TMEM97: variants seen among roughly 807,000 people sequenced by gnomAD.
The protein encoded by TMEM97 is transmembrane protein 97.
In TMEM97, 13 loss-of-function variants were observed where a neutral mutation model predicts 18.3. The observed-to-expected ratio is 0.71, with a 90% CI of 0.46 to 1.13. TMEM97 has a LOEUF of 1.13. Ranked by LOEUF, TMEM97 falls within the 50% of genes most tolerant of loss-of-function variation. The pLI, the probability that TMEM97 is intolerant of heterozygous loss-of-function variation, is 0.00. For missense variants in TMEM97, 205 were observed against 210.5 expected, an observed-to-expected ratio of 0.97 and a Z score of 0.16; for synonymous variants, 76 against 85.3, an observed-to-expected ratio of 0.89 and a Z score of 0.60.
Position 28,321,800 on chromosome 17 carries a change from CTGTGTGTGTGTGTGTG to C in TMEM97, c.126+2463_126+2478del, listed in dbSNP as rs538038865. Among the ~76,000 whole-genome samples, 136 of 132,296 alleles carry C rather than the reference CTGTGTGTGTGTGTGTG, an allele frequency of 1.0e-3. 1 individual carries two copies. The East Asian group carries it at 0.021, about 21-fold the overall frequency. 86.8% of individuals were successfully genotyped at this position (132,296 alleles called of 152,430 possible). A position where few individuals can be genotyped will look rare whatever the true frequency, so the allele number is the denominator to read the frequency against. On this transcript the variant is annotated intron_variant, in intron 1 of 2. Transcript: ENST00000226230. Reference sequence around the variant, plus strand: ...AGTGCAGGCAGCATCTGGCCAGAACCTGTGTGTGTGTGTGTGTGTGTGTGTGTGTGTGTGTGTGTGT... The same window carrying C: ...AGTGCAGGCAGCATCTGGCCAGAACCTGTGTGTGTGTGTGTGTGTGTGTGT...
rs1361092868 is a variant in TMEM97, at chr17:28,325,873, C to G, written c.271+226C>G. The G allele has an allele frequency of 6.9e-6, 4 of 578,786 alleles. No homozygotes were observed. In the African/African-American group the frequency reaches 7.5e-5, roughly 11 times the overall value. The allele number at this position is 578,786 out of a possible 1,614,324, so 35.9% of individuals were successfully genotyped here. A position where few individuals can be genotyped will look rare whatever the true frequency, so the allele number is the denominator to read the frequency against. On this transcript the variant is annotated intron_variant, in intron 2 of 2. Coordinates refer to ENST00000226230, the MANE Select transcript of TMEM97 (RefSeq NM_014573.3). The stretch of plus-strand genomic sequence containing the variant: ...ACGGCTGCCTCAGTCGTCTGGAAAT[C>G]CCTTGCATACACATGAAGCCTGAGA...
At chr17:28,320,446 T>C (rs1906099914) in intron 1 of TMEM97, among the ~76,000 whole-genome samples, 1 of 152,236 alleles carries the variant, frequency 6.6e-6, no homozygotes, top group Non-Finnish European at 1.5e-5. Context: ...GGAAGACCTC[T>C]GACCTCCTTT....
chr17:28,320,247 C>G (rs145397499), intron 1 of TMEM97, among the ~76,000 whole-genome samples: 6 of 152,240 alleles, frequency 3.9e-5, no homozygotes, highest in African/African-American at 1.4e-4. Flanking sequence ...AGGAGGGGTT[C>G]TTTACCTGAG....
Position 28,327,066 on chromosome 17 carries a change from A to G in TMEM97, c.*273A>G, listed in dbSNP as rs1337043659. On this transcript the variant is annotated 3_prime_UTR_variant, in exon 3 of 3. Coordinates refer to ENST00000226230, the MANE Select transcript of TMEM97 (RefSeq NM_014573.3). Reference sequence around the variant, plus strand: ...CTGCAACCTCCGCCTCCTGGGCTCAAGCCATCTTCCTTAGCCTCCCAAGTA... The same window carrying G: ...CTGCAACCTCCGCCTCCTGGGCTCAGGCCATCTTCCTTAGCCTCCCAAGTA... The G allele has an allele frequency of 7.2e-6, 3 of 417,590 alleles. No homozygotes were observed. Among genetic ancestry groups the G allele is most frequent in the African/African-American group, 2.0e-5 (1 of 50,218 alleles). 25.9% of individuals were successfully genotyped at this position (417,590 alleles called of 1,614,324 possible). A position where few individuals can be genotyped will look rare whatever the true frequency, so the allele number is the denominator to read the frequency against.
Position 28,326,791 on chromosome 17 carries a change from T to C in TMEM97, c.529T>C (p.Ter177ArgextTer63), listed in dbSNP as rs1906368997. 1 of 1,607,864 alleles carries C rather than the reference T, an allele frequency of 6.2e-7. No individual in the cohort carries two copies. The highest frequency in any genetic ancestry group is 8.5e-7 in the Non-Finnish European group (1 of 1,178,868). Residue 177 changes from the stop codon to arginine, a stop_lost, in exon 3 of 3, where the codon TGA becomes CGA. Transcript: ENST00000226230. ...YKYEEKRKKK[*>R] ...GTATGAAGAGAAAAGAAAAAAAAAA[T>C]GAAGGAAACAACCACTGGCCCAGGG...
In TMEM97 at chr17:28,325,712, A is replaced by G; in HGVS notation, c.271+65A>G. On this transcript the variant is annotated intron_variant, in intron 2 of 2. Coordinates refer to ENST00000226230, the MANE Select transcript of TMEM97 (RefSeq NM_014573.3). ...TCAGGTCCCAGAAATCTTTTGGGAA[A>G]GTATCTCCAAAGGGAAGGGGATGGT... 3 of 1,601,354 alleles carry G rather than the reference A, an allele frequency of 1.9e-6. No individual in the cohort carries two copies. In the South Asian group the frequency reaches 3.3e-5, roughly 18 times the overall value.
intron 1 of TMEM97, 23 bp from the exon 2 acceptor site, chr17:28,325,480 A>T: frequency 9.9e-6 from 16 of 1,612,072 alleles, no homozygotes; most frequent in Non-Finnish European, 1.3e-5. Context: ...GCTGTAATTC[A>T]TCATGATCGT....
intron 1 of TMEM97, chr17:28,324,630 C>A (rs1361047629): frequency 6.6e-6 from 1 of 152,152 alleles, no homozygotes; most frequent in Non-Finnish European, 1.5e-5. Context: ...GCTTTGGGCT[C>A]CTATAAAAGC....
intron 2 of TMEM97, among the ~76,000 whole-genome samples, 168 bp from the exon 3 acceptor site, chr17:28,326,366 C>G (rs1045213872): frequency 6.6e-6 from 1 of 152,172 alleles, no homozygotes; most frequent in African/African-American, 2.4e-5. Flanking sequence ...TGAGCTGTCA[C>G]GTAAGTCTGC....
At chr17:28,325,257 CAAA>C (rs1906286512) in intron 1 of TMEM97, among the ~76,000 whole-genome samples, 1 of 152,026 alleles carries the variant, frequency 6.6e-6, no homozygotes, top group South Asian at 2.1e-4. Context: ...CTGGGTAACA[CAAA>C]GAAGGGGCTG....
rs1597776317 is a variant in TMEM97 at position 28,319,551 on chromosome 17, C to T, written c.126+186C>T. 3 of 648,362 alleles carry T rather than the reference C, an allele frequency of 4.6e-6. No individual in the cohort carries two copies. The East Asian group carries it at 1.0e-4, about 22-fold the overall frequency. The allele number at this position is 648,362 out of a possible 1,614,324, so 40.2% of individuals were successfully genotyped here. ...TCCTCGGGCTTTGTCTCTATCCCAG[C>T]CCCTTCTCCCAAGCGGCGGGGGCGA... is the stretch of plus-strand genomic sequence containing the variant. On this transcript the variant is annotated intron_variant, in intron 1 of 2. Transcript: ENST00000226230.
Position 28,328,462 on chromosome 17 carries a change from C to G in TMEM97, c.*1669C>G. The G allele has an allele frequency of 1.7e-6, 1 of 581,716 alleles. No homozygotes were observed. The highest frequency in any genetic ancestry group is 3.0e-6 in the Non-Finnish European group (1 of 327,988). 36.0% of individuals were successfully genotyped at this position (581,716 alleles called of 1,614,324 possible). A position where few individuals can be genotyped will look rare whatever the true frequency, so the allele number is the denominator to read the frequency against. On this transcript the variant is annotated 3_prime_UTR_variant, in exon 3 of 3. Transcript: ENST00000226230. ...ACGTACACTGCAGGGCCACCAGCAG[C>G]AGCTGTGCACTGATGTTAAAACTGG...
chr17:28,323,567 T>C (rs1555575134), intron 1 of TMEM97, among the ~76,000 whole-genome samples: 1 of 151,960 alleles, frequency 6.6e-6, no homozygotes, highest in East Asian at 1.9e-4. Context: ...CCCAGCTAAT[T>C]TTTGTATTTT....
rs560747844 is a variant in TMEM97, at chr17:28,319,200, C to G, written c.-40C>G. 260 of 1,554,984 alleles carry G rather than the reference C, an allele frequency of 1.7e-4. 4 individuals carry two copies. The South Asian group carries it at 2.8e-3, about 17-fold the overall frequency. On this transcript the variant is annotated 5_prime_UTR_variant, in exon 1 of 3. Transcript: ENST00000226230. ...CTGGGAAGGCGCGCGGATTTGGCCC[C>G]TCTTCTCACATCAGCGGGTCCAGGC...
chr17:28,325,154 A>G (rs1360407689), intron 1 of TMEM97, among the ~76,000 whole-genome samples: 1 of 152,156 alleles, frequency 6.6e-6, no homozygotes, highest in Non-Finnish European at 1.5e-5. Flanking sequence ...TTCAGCGAAC[A>G]CCCTGAGTGC....
Position 28,319,208 on chromosome 17 carries a change from A to C in TMEM97, c.-32A>C, listed in dbSNP as rs782456830. The C allele has an allele frequency of 1.3e-6, 2 of 1,566,104 alleles. No homozygotes were observed. The highest frequency in any genetic ancestry group is 1.7e-6 in the Non-Finnish European group (2 of 1,156,132). On this transcript the variant is annotated 5_prime_UTR_variant, in exon 1 of 3. Coordinates refer to ENST00000226230, the MANE Select transcript of TMEM97 (RefSeq NM_014573.3). ...GCGCGCGGATTTGGCCCCTCTTCTC[A>C]CATCAGCGGGTCCAGGCCCAACCGA...
intron 1 of TMEM97, among the ~76,000 whole-genome samples, chr17:28,322,999 T>G (rs1555575062): frequency 1.3e-5 from 2 of 152,236 alleles, no homozygotes; most frequent in African/African-American, 4.8e-5. Context: ...TTTTAAAGAC[T>G]ACATGTATTA....
At chr17:28,325,738 C>G (rs1418536767) in intron 2 of TMEM97, 91 bp downstream of exon 2, 19 of 1,543,924 alleles carry the variant, frequency 1.2e-5, no homozygotes, top group Non-Finnish European at 1.6e-5. Context: ...AGGGGATGGT[C>G]CCCATAGTTT....
intron 1 of TMEM97, among the ~76,000 whole-genome samples, 190 bp from the exon 2 acceptor site, chr17:28,325,313 G>A (rs1555575326): frequency 6.6e-6 from 1 of 152,130 alleles, no homozygotes; most frequent in Non-Finnish European, 1.5e-5. Flanking sequence ...TTTGAGTTAG[G>A]GATAGTAAGT....
Sources: gnomAD v4.1 joint callset for allele counts (sites outside exome capture counted in the v4.1 genomes callset) on GRCh38, gnomAD v4.1.1 for gene constraint, MANE v1.5 for transcripts, NCBI Gene and HGNC (gene_info 2026-07-23, HGNC 2026-07-21) for gene names.